Variants in CDH18 observed in about 807,000 individuals in gnomAD.
CDH18 encodes the protein cadherin 18.
A neutral mutation model predicts 67.9 loss-of-function variants in CDH18; 31 were observed. That is an observed-to-expected ratio of 0.46 (90% CI 0.34 to 0.62). The LOEUF is 0.62. Among genes scored for constraint, CDH18 ranks in the 20% least tolerant of loss-of-function variants. The probability of loss-of-function intolerance (pLI) is 0.01; values close to 1 mark genes in which losing one functional copy is unlikely to be tolerated. For missense variants in CDH18, 890 were observed against 975.5 expected, an observed-to-expected ratio of 0.91 and a Z score of 1.17; for synonymous variants, 362 against 347.2, an observed-to-expected ratio of 1.04 and a Z score of -0.48.
chr5:20,274,485 A>T (rs555905790), intron 1 of CDH18, among the ~76,000 whole-genome samples: 1 of 152,156 alleles, frequency 6.6e-6, no homozygotes, highest in Non-Finnish European at 1.5e-5. Context: ...GAAAGAAGGA[A>T]TACATATACA....
At chr5:19,867,882 G>T (rs1785751992) in intron 2 of CDH18, among the ~76,000 whole-genome samples, 1 of 152,178 alleles carries the variant, frequency 6.6e-6, no homozygotes, top group Admixed American at 6.5e-5. Flanking sequence ...GAGGGACCCT[G>T]TGGGAGGTAA....
At chr5:19,660,058 A>C (rs559627091) in intron 5 of CDH18, among the ~76,000 whole-genome samples, 1 of 152,240 alleles carries the variant, frequency 6.6e-6, no homozygotes, top group Non-Finnish European at 1.5e-5. Flanking sequence ...GGATAAAAAT[A>C]AACCCCAGTT....
chr5:20,514,993 C>T (rs995391400), intron 1 of CDH18, among the ~76,000 whole-genome samples: 4 of 151,588 alleles, frequency 2.6e-5, no homozygotes, highest in Non-Finnish European at 1.5e-5. Flanking sequence ...CAATAATATT[C>T]ATGCTGGGGA....
chr5:20,453,504 T>G (rs1750618826), intron 1 of CDH18, among the ~76,000 whole-genome samples: 1 of 151,980 alleles, frequency 6.6e-6, no homozygotes, highest in African/African-American at 2.4e-5. Context: ...AAGAAAGAAA[T>G]AATATCCTAT....
intron 2 of CDH18, among the ~76,000 whole-genome samples, chr5:20,231,081 T>C (rs1232691117): frequency 6.6e-6 from 1 of 152,204 alleles, no homozygotes; most frequent in Non-Finnish European, 1.5e-5. Context: ...GCTCCATTCA[T>C]TCATGGCCAC....
upstream of CDH18, among the ~76,000 whole-genome samples, chr5:19,989,548 AATCTGTATC>A (rs1799861352): frequency 6.6e-6 from 1 of 152,312 alleles, no homozygotes; most frequent in South Asian, 2.1e-4. Context: ...AGATTTAAAA[AATCTGTATC>A]CTTGTACAAA....
intron 2 of CDH18, among the ~76,000 whole-genome samples, chr5:20,218,520 T>C (rs1345176531): frequency 6.6e-6 from 1 of 152,146 alleles, no homozygotes; most frequent in East Asian, 1.9e-4. Context: ...TTAAGAGCAG[T>C]TGATATGCTT....
At chr5:19,752,748 C>T (rs116492394) in intron 3 of CDH18, among the ~76,000 whole-genome samples, 3,081 of 152,258 alleles carry the variant, frequency 0.02, 107 homozygotes, top group African/African-American at 0.071. Flanking sequence ...CATTAAACCA[C>T]CAAAGTTAAG....
Position 19,472,996 on chromosome 5 carries a change from T to C in CDH18, c.*230A>G. ...AGACTTTATTGAGCAATTGAAAATATACACAAGGAACAATAACTTTTTCTT... is the reference window on the plus strand; with the variant it reads ...AGACTTTATTGAGCAATTGAAAATACACACAAGGAACAATAACTTTTTCTT... On this transcript the variant is annotated 3_prime_UTR_variant, in exon 13 of 13. Coordinates refer to ENST00000382275, the MANE Select transcript of CDH18 (RefSeq NM_004934.5). 2.2e-6 allele frequency: 1 copy of C among 464,040 alleles called. No homozygotes were observed. The highest frequency in any genetic ancestry group is 3.8e-6 in the Non-Finnish European group (1 of 263,372). The allele number at this position is 464,040 out of a possible 1,614,324, so 28.7% of individuals were successfully genotyped here.
intron 10 of CDH18, among the ~76,000 whole-genome samples, chr5:19,511,181 A>T (rs1007523130): frequency 6.6e-6 from 1 of 152,092 alleles, no homozygotes; most frequent in Non-Finnish European, 1.5e-5. Context: ...GCTTCTGAAG[A>T]AGGTGCCTTG....
At chr5:20,414,586 C>A (rs977439810) in intron 1 of CDH18, among the ~76,000 whole-genome samples, 1 of 152,094 alleles carries the variant, frequency 6.6e-6, no homozygotes, top group African/African-American at 2.4e-5. Context: ...TCCATGTAAC[C>A]AACCTACTCT....
At chr5:20,142,352 G>A (rs1750310041) in intron 2 of CDH18, among the ~76,000 whole-genome samples, 1 of 152,000 alleles carries the variant, frequency 6.6e-6, no homozygotes, top group African/African-American at 2.4e-5. Context: ...GGCTGAGGTG[G>A]GCGGATCACT....
chr5:19,605,774 T>C (rs534608383), intron 6 of CDH18, among the ~76,000 whole-genome samples: 3 of 152,198 alleles, frequency 2.0e-5, no homozygotes, highest in East Asian at 3.9e-4. Context: ...TAAAAATATG[T>C]AGTGCTGGTT....
At chr5:19,573,322 A>G (rs1741763407) in intron 7 of CDH18, among the ~76,000 whole-genome samples, 1 of 151,622 alleles carries the variant, frequency 6.6e-6, no homozygotes, top group African/African-American at 2.4e-5. Flanking sequence ...TCTGTCACCC[A>G]GGCTGGAGTG....
At chr5:19,509,493 T>C (rs1744784604) in intron 10 of CDH18, among the ~76,000 whole-genome samples, 2 of 152,182 alleles carry the variant, frequency 1.3e-5, no homozygotes, top group South Asian at 4.1e-4. Context: ...ATCTGCTTCA[T>C]AATATAATCG....
chr5:20,452,562 A>G (rs1053333665), intron 1 of CDH18, among the ~76,000 whole-genome samples: 5 of 152,070 alleles, frequency 3.3e-5, no homozygotes, highest in African/African-American at 1.2e-4. Flanking sequence ...ATAACAATAC[A>G]ACATGGACGC....
At chr5:20,036,727 A>G (rs1218187769) in intron 2 of CDH18, among the ~76,000 whole-genome samples, 1 of 152,082 alleles carries the variant, frequency 6.6e-6, no homozygotes, top group East Asian at 1.9e-4. Flanking sequence ...AAAGTCTCCC[A>G]CTATTATTGT....
In CDH18 at chr5:20,036,454, CA is replaced by C. The variant is rs1290306343; in HGVS notation, c.-517-44441del. On this transcript the variant is annotated intron_variant, in intron 2 of 14. Transcript: ENST00000507958. ...AAAAAAAGAGGAGGGAAAGTGGAGT[CA>C]AAGCTCTGTCCTTGGGCTGTCATGT... 2.6e-5 allele frequency among the ~76,000 whole-genome samples: 4 copies of C among 151,984 alleles called. No individual in the cohort carries two copies. In the East Asian group the frequency reaches 7.7e-4, roughly 29 times the overall value.
At chr5:19,807,442 C>T (rs1424051106) in intron 3 of CDH18, among the ~76,000 whole-genome samples, 1 of 152,194 alleles carries the variant, frequency 6.6e-6, no homozygotes. Context: ...TACTACATTA[C>T]TTTCCTTCTT....
Sources: allele counts gnomAD v4.1 joint callset (sites outside exome capture counted in the v4.1 genomes callset), GRCh38; gene constraint gnomAD v4.1.1; transcripts MANE v1.5; gene names NCBI Gene and HGNC (gene_info 2026-07-23, HGNC 2026-07-21).